The following CHIC1 variants were observed in gnomAD, a reference collection of about 807,000 sequenced individuals.
CHIC1 encodes cysteine-rich hydrophobic domain-containing protein 1.
A neutral mutation model predicts 18.5 loss-of-function variants in CHIC1; 7 were observed. That is an observed-to-expected ratio of 0.38 (90% CI 0.22 to 0.71). The LOEUF (loss-of-function observed/expected upper bound fraction) is 0.71, where lower values mean the gene tolerates loss of function less well. CHIC1 is among the 30% of genes least tolerant of loss of function. The probability of loss-of-function intolerance (pLI) is 0.49; values close to 1 mark genes in which losing one functional copy is unlikely to be tolerated. For missense variants in CHIC1, 159 were observed against 176.9 expected (o/e 0.90, Z 0.57); for synonymous variants, 77 against 73.5 (o/e 1.05, Z -0.25).
chrX:73,618,125 G>A (rs894955951), intron 3 of CHIC1, among the ~76,000 whole-genome samples: 5 of 111,617 alleles, frequency 4.5e-5, no homozygotes, highest in Admixed American at 9.5e-5. Flanking sequence ...GTTCTGTGAC[G>A]TGAACTGTCT....
At chrX:73,578,846 A>G (rs1459074996) in intron 2 of CHIC1, 4 of 110,004 alleles carry the variant, frequency 3.6e-5, no homozygotes, top group African/African-American at 9.8e-5. Flanking sequence ...CCATGTGACT[A>G]TATTACCTTT....
chrX:73,599,198 A>G (rs1197390817), intron 3 of CHIC1, among the ~76,000 whole-genome samples: 1 of 110,077 alleles, frequency 9.1e-6, no homozygotes. Flanking sequence ...TTTCTTGTAA[A>G]TCTGTTTGAG....
intron 3 of CHIC1, among the ~76,000 whole-genome samples, chrX:73,588,409 A>C (rs1174646769): frequency 9.0e-6 from 1 of 111,275 alleles, no homozygotes; most frequent in African/African-American, 3.2e-5. Context: ...GTGGAAAAAT[A>C]CACGACATAA....
intron 3 of CHIC1, among the ~76,000 whole-genome samples, chrX:73,613,512 G>A (rs1254257040): frequency 1.8e-5 from 2 of 111,571 alleles, no homozygotes; most frequent in East Asian, 2.8e-4. Context: ...ACAAGTGGAA[G>A]CAACCAGAAG....
intron 3 of CHIC1, among the ~76,000 whole-genome samples, chrX:73,677,949 T>C (rs1603351352): frequency 9.0e-6 from 1 of 111,371 alleles, no homozygotes; most frequent in African/African-American, 3.3e-5. Context: ...TAATTTTCTT[T>C]GGAGTCTGTT....
chrX:73,598,781 G>T (rs190386381), intron 3 of CHIC1, among the ~76,000 whole-genome samples: 1 of 110,466 alleles, frequency 9.1e-6, no homozygotes, highest in African/African-American at 3.3e-5. Context: ...GAATAATGCC[G>T]CAATAAACAT....
At chrX:73,578,979 C>T (rs1265056929) in intron 2 of CHIC1, among the ~76,000 whole-genome samples, 1 of 110,301 alleles carries the variant, frequency 9.1e-6, no homozygotes, top group Non-Finnish European at 1.9e-5. Flanking sequence ...ACTCTTTTTG[C>T]TTTTGGCGTA....
intron 3 of CHIC1, among the ~76,000 whole-genome samples, chrX:73,590,921 G>A (rs1255685624): frequency 9.0e-6 from 1 of 111,453 alleles, no homozygotes; most frequent in Admixed American, 9.6e-5. Context: ...AAACATTCAA[G>A]TACAGGTTTT....
intron 3 of CHIC1, among the ~76,000 whole-genome samples, chrX:73,585,369 G>T: frequency 9.0e-6 from 1 of 110,722 alleles, no homozygotes. Flanking sequence ...ACTTCAAAAA[G>T]ACAAATAATG....
intron 1 of CHIC1, among the ~76,000 whole-genome samples, chrX:73,564,896 A>G (rs1188447561): frequency 9.8e-6 from 1 of 102,542 alleles, no homozygotes; most frequent in African/African-American, 3.7e-5. Flanking sequence ...TCCCAGGTTC[A>G]AGCAATTCTC....
chrX:73,641,999 A>G (rs1490402595), intron 3 of CHIC1, among the ~76,000 whole-genome samples: 2 of 111,572 alleles, frequency 1.8e-5, no homozygotes, highest in African/African-American at 6.5e-5. Flanking sequence ...GTGTCTTTAG[A>G]GCAGCATGAT....
intron 3 of CHIC1, among the ~76,000 whole-genome samples, chrX:73,591,014 T>C (rs1340809864): frequency 1.8e-5 from 2 of 111,516 alleles, no homozygotes; most frequent in South Asian, 3.7e-4. Context: ...ACTGCCAAAC[T>C]GTCTTGCAAA....
chrX:73,569,741 A>T (rs2147537288), intron 1 of CHIC1, among the ~76,000 whole-genome samples: 1 of 111,495 alleles, frequency 9.0e-6, no homozygotes, highest in Admixed American at 9.5e-5. Context: ...GTATTTTTTT[A>T]GTGTGCTGAG....
intron 3 of CHIC1, among the ~76,000 whole-genome samples, chrX:73,606,840 C>A (rs773582872): frequency 9.2e-6 from 1 of 109,003 alleles, no homozygotes; most frequent in East Asian, 2.8e-4. Context: ...GCTGCCTGCT[C>A]CTTCCTCTGT....
chrX:73,624,685 C>T (rs1385316365), intron 3 of CHIC1, among the ~76,000 whole-genome samples: 1 of 112,045 alleles, frequency 8.9e-6, no homozygotes, highest in Admixed American at 9.5e-5. Flanking sequence ...CACATGGTTA[C>T]AAGGTCAAGC....
intron 3 of CHIC1, among the ~76,000 whole-genome samples, chrX:73,631,696 A>C (rs1294010962): frequency 9.0e-6 from 1 of 111,280 alleles, no homozygotes; most frequent in African/African-American, 3.3e-5. Context: ...TTCCTCTTAG[A>C]ACTGCTTTTG....
Position 73,594,088 on chromosome X carries a change from G to GT in CHIC1, c.507+9524dup, listed in dbSNP as rs758301292. On this transcript the variant is annotated intron_variant, in intron 3 of 5. Coordinates refer to ENST00000373502, the MANE Select transcript of CHIC1 (RefSeq NM_001039840.4). ...GATGGGACTTTTTTATTTTATAGGG[G>GT]TTTTTTTTCCCTCTTGAAGGTTTGA... Among the ~76,000 whole-genome samples the GT allele has an allele frequency of 5.8e-3, 638 of 109,404 alleles. 5 individuals carry two copies. The highest frequency in any genetic ancestry group is 0.02 in the African/African-American group (608 of 29,971).
At chrX:73,600,604 G>C (rs1391982029) in intron 3 of CHIC1, among the ~76,000 whole-genome samples, 5 of 108,321 alleles carry the variant, frequency 4.6e-5, no homozygotes, top group Admixed American at 9.7e-5. Flanking sequence ...TGTGGTTTTT[G>C]TATTTGGCTC....
chrX:73,633,238 C>G (rs1302498860), intron 3 of CHIC1, among the ~76,000 whole-genome samples: 2 of 107,517 alleles, frequency 1.9e-5, no homozygotes, highest in Non-Finnish European at 3.8e-5. Flanking sequence ...CCCCACTGCC[C>G]CCCCACATTT....
Sources: allele counts gnomAD v4.1 joint callset (sites outside exome capture counted in the v4.1 genomes callset), GRCh38; gene constraint gnomAD v4.1.1; transcripts MANE v1.5; gene names NCBI Gene and HGNC (gene_info 2026-07-23, HGNC 2026-07-21).